The following DIAPH2 variants were observed in gnomAD, a reference collection of about 807,000 sequenced individuals.
DIAPH2 encodes protein diaphanous homolog 2.
Under a neutral mutation model 92.7 loss-of-function variants are expected in DIAPH2, and 35 were observed. The ratio of observed to expected loss-of-function variants is 0.38; its 90% CI spans 0.29 to 0.50. The LOEUF is 0.50. Among genes scored for constraint, DIAPH2 ranks in the 20% least tolerant of loss-of-function variants. DIAPH2 has a pLI of 0.94. For synonymous variants in DIAPH2, 301 were observed against 280.4 expected, an observed-to-expected ratio of 1.07 and a Z score of -0.73; for missense variants, 701 against 819.5, an observed-to-expected ratio of 0.86 and a Z score of 1.77.
At chrX:97,502,068 G>T (rs1215013519) in intron 26 of DIAPH2, among the ~76,000 whole-genome samples, 11 of 112,171 alleles carry the variant, frequency 9.8e-5, no homozygotes, top group Non-Finnish European at 2.1e-4. Flanking sequence ...CTCCCAAAGT[G>T]CTGGGATTAC....
At chrX:97,265,333 C>T (rs893380939) in intron 23 of DIAPH2, among the ~76,000 whole-genome samples, 1 of 111,621 alleles carries the variant, frequency 9.0e-6, no homozygotes, top group African/African-American at 3.3e-5. Context: ...CAAATATTTC[C>T]TATGTGCCGC....
At chrX:96,721,722 G>A (rs1190019297) in intron 1 of DIAPH2, among the ~76,000 whole-genome samples, 1 of 111,877 alleles carries the variant, frequency 8.9e-6, no homozygotes, top group Non-Finnish European at 1.9e-5. Flanking sequence ...TCTGTTTGCT[G>A]TTTACCTTGT....
intron 4 of DIAPH2, among the ~76,000 whole-genome samples, chrX:96,839,563 CAATT>C (rs2064922311): frequency 9.0e-6 from 1 of 111,493 alleles, no homozygotes; most frequent in Non-Finnish European, 1.9e-5. Context: ...ACTTCTAAAA[CAATT>C]AAATCCCTGA....
chrX:97,364,002 C>T (rs1178206615), intron 24 of DIAPH2, among the ~76,000 whole-genome samples: 1 of 112,163 alleles, frequency 8.9e-6, no homozygotes, highest in African/African-American at 3.2e-5. Context: ...GTCACTCATT[C>T]TGTATTACAT....
chrX:96,713,039 G>A lies in DIAPH2; in HGVS notation c.133-22719G>A, dbSNP rs749799299. 9.0e-5 allele frequency among the ~76,000 whole-genome samples: 10 copies of A among 110,859 alleles called. No individual in the cohort carries two copies. The South Asian group carries it at 2.7e-3, about 30-fold the overall frequency. On this transcript the variant is annotated intron_variant, in intron 1 of 26. Transcript: ENST00000324765. Reference sequence around the variant, plus strand: ...GTCTGGCTATCTACTATGAAGAGTGGTATGGTGTATGTGCACAGATGTGCA... The same window carrying A: ...GTCTGGCTATCTACTATGAAGAGTGATATGGTGTATGTGCACAGATGTGCA...
chrX:96,972,267 A>G (rs781576610), intron 17 of DIAPH2, among the ~76,000 whole-genome samples: 1 of 112,041 alleles, frequency 8.9e-6, no homozygotes, highest in East Asian at 2.8e-4. Flanking sequence ...AAGCACTACA[A>G]GTCTATTTTT....
intron 25 of DIAPH2, among the ~76,000 whole-genome samples, chrX:97,414,123 T>C (rs1204318058): frequency 9.0e-6 from 1 of 111,620 alleles, no homozygotes; most frequent in African/African-American, 3.3e-5. Flanking sequence ...AGAACAAAGC[T>C]GGAGGCATCA....
chrX:96,882,976 A>AAAAAAAAC (rs1569419384), intron 5 of DIAPH2, among the ~76,000 whole-genome samples: 48 of 52,007 alleles, frequency 9.2e-4, no homozygotes, highest in Admixed American at 1.5e-3. Flanking sequence ...AAAAAAAAAA[A>AAAAAAAAC]AAAAAAACAA....
At chrX:97,326,149 G>A (rs1208454401) in intron 23 of DIAPH2, among the ~76,000 whole-genome samples, 6 of 112,102 alleles carry the variant, frequency 5.4e-5, no homozygotes. Flanking sequence ...CAAATTGAAA[G>A]CAACTATATC....
intron 4 of DIAPH2, among the ~76,000 whole-genome samples, chrX:96,831,238 C>T (rs1418202312): frequency 8.9e-6 from 1 of 111,762 alleles, no homozygotes; most frequent in East Asian, 2.8e-4. Flanking sequence ...TTCCTAACTT[C>T]CCACTACAAA....
At chrX:97,201,513 A>G (rs1602413270) in intron 22 of DIAPH2, among the ~76,000 whole-genome samples, 1 of 107,992 alleles carries the variant, frequency 9.3e-6, no homozygotes, top group East Asian at 3.0e-4. Context: ...CAAAATCTTT[A>G]TGAAGCATAC....
chrX:97,190,389 A>G (rs1410998996), intron 22 of DIAPH2, among the ~76,000 whole-genome samples: 1 of 112,752 alleles, frequency 8.9e-6, no homozygotes, highest in Non-Finnish European at 1.9e-5. Context: ...AGCAGAGTGG[A>G]GAGAATTTAA....
At chrX:97,370,260 A>G (rs2069433566) in intron 24 of DIAPH2, among the ~76,000 whole-genome samples, 1 of 111,790 alleles carries the variant, frequency 8.9e-6, no homozygotes, top group African/African-American at 3.3e-5. Context: ...CAAAGGACAG[A>G]TAAATTTTCA....
intron 22 of DIAPH2, among the ~76,000 whole-genome samples, chrX:97,220,292 T>G (rs562973675): frequency 6.4e-5 from 7 of 109,417 alleles, no homozygotes; most frequent in African/African-American, 2.3e-4. Context: ...GTTTTAAAAA[T>G]TCCTGAATGT....
intron 22 of DIAPH2, among the ~76,000 whole-genome samples, chrX:97,177,072 A>AT (rs2067498311): frequency 9.0e-6 from 1 of 110,535 alleles, no homozygotes; most frequent in African/African-American, 3.3e-5. Flanking sequence ...CAACCATCCA[A>AT]TTTTTTTCCC....
At chrX:97,262,424 G>A (rs949600387) in intron 23 of DIAPH2, among the ~76,000 whole-genome samples, 1 of 111,953 alleles carries the variant, frequency 8.9e-6, no homozygotes, top group African/African-American at 3.2e-5. Context: ...ACAAACACAC[G>A]TAAGGTATAA....
intron 17 of DIAPH2, among the ~76,000 whole-genome samples, chrX:96,966,095 T>C (rs1198063944): frequency 1.8e-5 from 2 of 111,594 alleles, no homozygotes; most frequent in Admixed American, 9.5e-5. Context: ...GTGTGAAAAT[T>C]AGTTTCTTTT....
intron 22 of DIAPH2, among the ~76,000 whole-genome samples, chrX:97,185,091 C>T (rs1222461901): frequency 9.8e-6 from 1 of 102,456 alleles, no homozygotes; most frequent in Non-Finnish European, 2.0e-5. Context: ...CCAGCCTGAC[C>T]AACATGGTGA....
intron 19 of DIAPH2, among the ~76,000 whole-genome samples, chrX:97,079,401 A>G (rs186350902): frequency 9.0e-6 from 1 of 111,542 alleles, no homozygotes; most frequent in Admixed American, 9.6e-5. Context: ...AGTAGGAGAA[A>G]AGGGAATTTG....
Sources: allele counts gnomAD v4.1 joint callset (sites outside exome capture counted in the v4.1 genomes callset), GRCh38; gene constraint gnomAD v4.1.1; transcripts MANE v1.5; gene names NCBI Gene and HGNC (gene_info 2026-07-23, HGNC 2026-07-21).